The following CLEC12A variants were observed in gnomAD, a reference collection of about 807,000 sequenced individuals.
The protein encoded by CLEC12A is C-type lectin protein CLL-1.
Under a neutral mutation model 26.5 loss-of-function variants are expected in CLEC12A, and 22 were observed. That is an observed-to-expected ratio of 0.83 (90% CI 0.59 to 1.19). The LOEUF is 1.19. Among genes scored for constraint, CLEC12A ranks in the 50% most tolerant of loss-of-function variants. CLEC12A has a pLI of 0.00. For missense variants in CLEC12A, 353 were observed against 315.6 expected, an observed-to-expected ratio of 1.12 and a Z score of -0.90; for synonymous variants, 119 against 101.9, an observed-to-expected ratio of 1.17 and a Z score of -1.01.
intron 1 of CLEC12A, among the ~76,000 whole-genome samples, chr12:9,972,245 AG>A (rs1864159608): frequency 6.6e-6 from 1 of 152,188 alleles, no homozygotes; most frequent in South Asian, 2.1e-4. Flanking sequence ...TAAGGAATAA[AG>A]GAAGAAAAGA....
chr12:9,958,840 C>T (rs775974989), intron 1 of CLEC12A, among the ~76,000 whole-genome samples: 2 of 152,174 alleles, frequency 1.3e-5, no homozygotes, highest in Non-Finnish European at 2.9e-5. Flanking sequence ...ACCCCAGCAC[C>T]TGGACCCATA....
At chr12:9,965,041 C>G (rs193065465) in intron 1 of CLEC12A, among the ~76,000 whole-genome samples, 24 of 151,948 alleles carry the variant, frequency 1.6e-4, no homozygotes, top group Non-Finnish European at 2.2e-4. Context: ...AAAGTGTATG[C>G]GTCAGGTGGG....
At chr12:9,975,233 G>A (rs1041395676) in intron 1 of CLEC12A, among the ~76,000 whole-genome samples, 1 of 152,192 alleles carries the variant, frequency 6.6e-6, no homozygotes, top group African/African-American at 2.4e-5. Context: ...AAATCTGAAA[G>A]AGACTTTGGG....
intron 1 of CLEC12A, among the ~76,000 whole-genome samples, chr12:9,963,356 G>A (rs1863871582): frequency 6.6e-6 from 1 of 150,748 alleles, no homozygotes; most frequent in Non-Finnish European, 1.5e-5. Flanking sequence ...TTTCAGCAGT[G>A]ACTAAGTCAA....
chr12:9,996,982 G>C (rs1477278341), downstream of CLEC12A: 5 of 1,613,822 alleles, frequency 3.1e-6, no homozygotes, highest in Non-Finnish European at 4.2e-6. Flanking sequence ...TGTGTCACAG[G>C]GGCTGCATTT....
intron 1 of CLEC12A, among the ~76,000 whole-genome samples, chr12:9,963,392 T>A (rs1863872249): frequency 1.4e-5 from 2 of 147,122 alleles, no homozygotes. Context: ...GGAGGACAAC[T>A]GCAGCTAAAG....
upstream of CLEC12A, among the ~76,000 whole-genome samples, chr12:9,968,304 G>T (rs1864014104): frequency 6.6e-6 from 1 of 152,168 alleles, no homozygotes; most frequent in South Asian, 2.1e-4. Context: ...CACAAAACAG[G>T]CTTTGTGTGA....
At chr12:9,979,652 T>C in intron 3 of CLEC12A, 128 bp downstream of exon 3, 3 of 685,858 alleles carry the variant, frequency 4.4e-6, no homozygotes, top group Admixed American at 3.3e-5. Flanking sequence ...AAGAATTACA[T>C]GTGGTTGATG....
At chr12:9,984,346 G>T (rs1016684735) in intron 5 of CLEC12A, 2 of 152,206 alleles carry the variant, frequency 1.3e-5, no homozygotes, top group Non-Finnish European at 2.9e-5. Flanking sequence ...TGTTTTTAGT[G>T]CATAGTCCCT....
At chr12:10,003,204 G>A in the CLEC12A span, among the ~76,000 whole-genome samples, 19 of 152,268 alleles carry the variant, frequency 1.2e-4, no homozygotes, top group African/African-American at 4.3e-4. Context: ...TTTGGTAATG[G>A]TAGGATTTCC....
chr12:9,967,788 G>T (rs185701828), upstream of CLEC12A, among the ~76,000 whole-genome samples: 7 of 152,196 alleles, frequency 4.6e-5, 1 homozygote, highest in East Asian at 1.4e-3. Flanking sequence ...GAGAGAAGGG[G>T]TTGGGGGTTC....
chr12:9,960,301 C>A (rs1372243214), intron 1 of CLEC12A, among the ~76,000 whole-genome samples: 6 of 152,196 alleles, frequency 3.9e-5, no homozygotes, highest in African/African-American at 1.4e-4. Flanking sequence ...TTATTATTCT[C>A]TTTAAACCCA....
intron 4 of CLEC12A, 103 bp downstream of exon 4, chr12:9,980,836 G>A (rs1398768497): frequency 8.1e-7 from 1 of 1,239,078 alleles, no homozygotes; most frequent in Non-Finnish European, 1.1e-6. Context: ...TTCAGTTGGG[G>A]TGTGAAGTGA....
intron 1 of CLEC12A, among the ~76,000 whole-genome samples, chr12:9,959,292 A>C (rs1863791741): frequency 6.6e-6 from 1 of 151,588 alleles, no homozygotes; most frequent in African/African-American, 2.4e-5. Context: ...GTCTACTAAA[A>C]ATACAAAAAA....
At chr12:10,002,963 T>C in the CLEC12A span, among the ~76,000 whole-genome samples, 8 of 152,166 alleles carry the variant, frequency 5.3e-5, no homozygotes, top group African/African-American at 1.9e-4. Context: ...CTGATCAATA[T>C]ACAGGGATGT....
chr12:9,956,340 T>A (rs779867334), intron 1 of CLEC12A, among the ~76,000 whole-genome samples: 16 of 152,352 alleles, frequency 1.1e-4, no homozygotes, highest in South Asian at 2.1e-4. Flanking sequence ...TTTGGCACAT[T>A]GTACATGGAA....
At chr12:9,986,212 A>G, downstream of CLEC12A, 2 of 442,446 alleles carry the variant, frequency 4.5e-6, no homozygotes, top group South Asian at 1.6e-5. Flanking sequence ...TCATTAAAAG[A>G]GCAATTTGTG....
At chr12:9,971,353 A>T, upstream of CLEC12A, 2 of 1,039,294 alleles carry the variant, frequency 1.9e-6, no homozygotes, top group Non-Finnish European at 2.4e-6. Flanking sequence ...TGAGGAAGAA[A>T]GATGTTATCT....
chr12:9,979,063 G>C lies in CLEC12A; in HGVS notation c.189G>C (p.Met63Ile). 1 of 1,609,236 alleles carries C rather than the reference G, an allele frequency of 6.2e-7. No individual in the cohort carries two copies. The highest frequency in any genetic ancestry group is 8.5e-7 in the Non-Finnish European group (1 of 1,175,636). The change falls in exon 2 of 6, where the codon ATG (methionine) becomes ATC (isoleucine). Residue 63 changes from methionine to isoleucine, a missense_variant and splice_region_variant. Physicochemically the swap from Met to Ile is conservative, Grantham distance 10. Transcript: ENST00000304361. The part of the protein sequence containing the change: ...LLIGLGVLAS[M>I]FHVTLKIEMK... ...TTGGATTGGGAGTCTTGGCAAGCATGTGTATGTACTGCCCCTGTTTTTGTC... is the reference window on the plus strand; with the variant it reads ...TTGGATTGGGAGTCTTGGCAAGCATCTGTATGTACTGCCCCTGTTTTTGTC...
Sources: allele counts gnomAD v4.1 joint callset (sites outside exome capture counted in the v4.1 genomes callset), GRCh38; gene constraint gnomAD v4.1.1; transcripts MANE v1.5; gene names NCBI Gene and HGNC (gene_info 2026-07-23, HGNC 2026-07-21).